KIF3C: variants seen among roughly 807,000 people sequenced by gnomAD.
The protein encoded by KIF3C is kinesin family member 3C.
A neutral mutation model predicts 67.7 loss-of-function variants in KIF3C; 12 were observed. That is an observed-to-expected ratio of 0.18 (90% CI 0.11 to 0.29). KIF3C has a LOEUF of 0.29. Ranked by LOEUF, KIF3C falls within the 10% of genes least tolerant of loss-of-function variation. The pLI is 1.00. For synonymous variants in KIF3C, 393 were observed against 426.2 expected, an observed-to-expected ratio of 0.92 and a Z score of 0.96; for missense variants, 789 against 1,059.6, an observed-to-expected ratio of 0.74 and a Z score of 3.55.
At chr2:25,960,190 G>C (rs933520872) in intron 1 of KIF3C, among the ~76,000 whole-genome samples, 2 of 152,080 alleles carry the variant, frequency 1.3e-5, no homozygotes, top group Non-Finnish European at 2.9e-5. Context: ...GATCGCTTGA[G>C]CCCAGGGGTT....
intron 1 of KIF3C, among the ~76,000 whole-genome samples, chr2:25,977,123 T>G (rs936849583): frequency 1.3e-5 from 2 of 151,740 alleles, no homozygotes; most frequent in East Asian, 3.9e-4. Context: ...TCTCACACAT[T>G]TGCACACCCG....
At chr2:25,959,206 GA>G (rs1663883857) in intron 1 of KIF3C, among the ~76,000 whole-genome samples, 2 of 152,136 alleles carry the variant, frequency 1.3e-5, no homozygotes, top group Non-Finnish European at 2.9e-5. Flanking sequence ...TGACCATTGG[GA>G]AATTTTCCCT....
rs758486147 is a variant in KIF3C at position 25,980,989 on chromosome 2, T to G, written c.929A>C (p.Asn310Thr). 1 of 1,614,196 alleles carries G rather than the reference T, an allele frequency of 6.2e-7. No individual in the cohort carries two copies. The highest frequency in any genetic ancestry group is 1.7e-5 in the Admixed American group (1 of 60,026). ...LGNVIAALAG[N>T]RSTHIPYRDS... ...CCGGTAGGGAATGTGGGTGCTCCTG[T>G]TGCCCGCCAGGGCAGCAATCACGTT... The change falls in exon 1 of 8, where the codon AAC becomes ACC. Residue 310 changes from asparagine to threonine, a missense_variant. Coordinates refer to ENST00000264712, the MANE Select transcript of KIF3C (RefSeq NM_002254.8). The surrounding 1 kb of genome is among the most constrained non-coding windows in gnomAD (Gnocchi z 7.6).
chr2:25,952,191 C>T (rs985961931), intron 4 of KIF3C, among the ~76,000 whole-genome samples: 2 of 152,110 alleles, frequency 1.3e-5, no homozygotes, highest in Non-Finnish European at 2.9e-5. Context: ...TCCCAAGCTA[C>T]TCAGGAGGCT....
chr2:25,952,835 G>T (rs888800637), intron 4 of KIF3C, among the ~76,000 whole-genome samples: 1 of 151,934 alleles, frequency 6.6e-6, no homozygotes, highest in African/African-American at 2.4e-5. Context: ...TGGGATTACA[G>T]GTATAAGCCA....
At chr2:25,972,439 C>T (rs762673819) in intron 1 of KIF3C, among the ~76,000 whole-genome samples, 8 of 152,174 alleles carry the variant, frequency 5.3e-5, no homozygotes, top group Admixed American at 2.0e-4. Flanking sequence ...TGACCACACC[C>T]ACCAGGGATG....
chr2:25,932,002 TG>T (rs1273821114), intron 5 of KIF3C, among the ~76,000 whole-genome samples: 98 of 144,080 alleles, frequency 6.8e-4, no homozygotes, highest in Non-Finnish European at 9.5e-4. Flanking sequence ...TCTTCTGTTT[TG>T]TTTTTTTTTT....
chr2:25,951,218 G>A (rs1020186992), intron 5 of KIF3C, among the ~76,000 whole-genome samples: 7 of 152,082 alleles, frequency 4.6e-5, no homozygotes, highest in Non-Finnish European at 1.0e-4. Flanking sequence ...GCCAATGGCC[G>A]CAGCTGCACC....
At chr2:25,977,990 T>C (rs1664460081) in intron 1 of KIF3C, among the ~76,000 whole-genome samples, 1 of 152,122 alleles carries the variant, frequency 6.6e-6, no homozygotes, top group South Asian at 2.1e-4. Flanking sequence ...TTTGCTTCCA[T>C]CTGAACACCT....
chr2:25,936,628 A>C (rs1245202385), intron 5 of KIF3C, among the ~76,000 whole-genome samples: 1 of 152,076 alleles, frequency 6.6e-6, no homozygotes, highest in Non-Finnish European at 1.5e-5. Context: ...TATATTTAAC[A>C]TTTTCCCTGG....
At chr2:25,971,038 C>T (rs984466431) in intron 1 of KIF3C, among the ~76,000 whole-genome samples, 1 of 151,368 alleles carries the variant, frequency 6.6e-6, no homozygotes, top group Non-Finnish European at 1.5e-5. Context: ...TTTGGGAGGC[C>T]GAGGCGGGCG....
At position 25,980,436 on chromosome 2, in the gene KIF3C, C is replaced by G; in HGVS notation, c.1482G>C (p.Glu494Asp). The G allele has an allele frequency of 6.2e-7, 1 of 1,614,140 alleles. No homozygotes were observed. Among genetic ancestry groups the G allele is most frequent in the Non-Finnish European group, 8.5e-7 (1 of 1,180,032 alleles). ...CCCGCCGCAGGTCCTCCAGCATCTTCTCCTTCTCCTCCAGCAGCTTCTGCT... is the reference window on the plus strand; with the variant it reads ...CCCGCCGCAGGTCCTCCAGCATCTTGTCCTTCTCCTCCAGCAGCTTCTGCT... ...EEKQKLLEEK[E>D]KMLEDLRREQ... The change falls in exon 1 of 8, where the codon GAG (glutamate) becomes GAC (aspartate). Residue 494 changes from glutamate (E) to aspartate (D), a missense_variant. By Grantham distance (45) the Glu-to-Asp change is conservative. This residue lies in a region of KIF3C where 648 missense variants were observed against 807.8 expected (regional missense o/e 0.80). Transcript: ENST00000264712. The surrounding 1 kb of genome is among the most constrained non-coding windows in gnomAD (Gnocchi z 7.6).
rs1664524515 is a variant in KIF3C, at chr2:25,980,129, T to C, written c.1545+244A>G. Reference sequence around the variant, plus strand: ...CACAGCAGGTCAGACCACCCCAAGCTCACTGGCTTGAGAGACCGCCTGTCC... The same window carrying C: ...CACAGCAGGTCAGACCACCCCAAGCCCACTGGCTTGAGAGACCGCCTGTCC... On this transcript the variant is annotated intron_variant, in intron 1 of 7. Transcript: ENST00000264712. The surrounding 1 kb of genome is among the most constrained non-coding windows in gnomAD (Gnocchi z 7.6). 2.0e-5 allele frequency among the ~76,000 whole-genome samples: 3 copies of C among 152,174 alleles called. No homozygotes were observed. The highest frequency in any genetic ancestry group is 7.2e-5 in the African/African-American group (3 of 41,442).
intron 1 of KIF3C, among the ~76,000 whole-genome samples, chr2:25,975,158 G>A (rs1232829305): frequency 2.0e-5 from 3 of 151,926 alleles, no homozygotes. Flanking sequence ...GCTCCTATCA[G>A]TTTTCTTTTC....
At chr2:25,976,400 A>G (rs1260287100) in intron 1 of KIF3C, among the ~76,000 whole-genome samples, 2 of 152,168 alleles carry the variant, frequency 1.3e-5, no homozygotes, top group Non-Finnish European at 1.5e-5. Flanking sequence ...ATCTGTACAC[A>G]AACACTCTTT....
chr2:25,948,596 GAGAA>G (rs938357620), intron 5 of KIF3C, among the ~76,000 whole-genome samples: 6 of 146,852 alleles, frequency 4.1e-5, no homozygotes, highest in African/African-American at 1.0e-4. Flanking sequence ...AAGGGAGAAA[GAGAA>G]AGAAAGAAAG....
At chr2:25,976,071 T>C (rs1336417138) in intron 1 of KIF3C, among the ~76,000 whole-genome samples, 1 of 152,150 alleles carries the variant, frequency 6.6e-6, no homozygotes, top group Non-Finnish European at 1.5e-5. Flanking sequence ...TCAGTAAATG[T>C]CATTATTATT....
At chr2:25,956,739 G>A (rs2149234712) in intron 1 of KIF3C, among the ~76,000 whole-genome samples, 1 of 152,264 alleles carries the variant, frequency 6.6e-6, no homozygotes, top group Non-Finnish European at 1.5e-5. Flanking sequence ...GGTCCACCAG[G>A]GCTAGGAGGA....
intron 5 of KIF3C, chr2:25,938,236 T>C (rs931398003): frequency 4.4e-6 from 2 of 450,150 alleles, no homozygotes; most frequent in Non-Finnish European, 4.4e-6. Context: ...GGCACATACC[T>C]GTAACCCCAG....
Sources: gnomAD v4.1 joint callset for allele counts (sites outside exome capture counted in the v4.1 genomes callset) on GRCh38, gnomAD v4.1.1 for gene constraint, gnomAD v4.1.1 regional missense constraint, Gnocchi (gnomAD v3.1) non-coding constraint, MANE v1.5 for transcripts, NCBI Gene and HGNC (gene_info 2026-07-23, HGNC 2026-07-21) for gene names.